The following MAP3K5 variants were observed in gnomAD, a reference collection of about 807,000 sequenced individuals.
MAP3K5 encodes the protein ASK-1.
In MAP3K5, 56 loss-of-function variants were observed where a neutral mutation model predicts 158.7. That is an observed-to-expected ratio of 0.35 (90% CI 0.28 to 0.44). The LOEUF is 0.44. Among genes scored for constraint, MAP3K5 ranks in the 20% least tolerant of loss-of-function variants. MAP3K5 has a pLI of 1.00. For missense variants in MAP3K5, 1,294 were observed against 1,674.8 expected, an observed-to-expected ratio of 0.77 and a Z score of 3.97; for synonymous variants, 579 against 601.7, an observed-to-expected ratio of 0.96 and a Z score of 0.55.
In MAP3K5 at chr6:136,580,338, C is replaced by A. The variant is rs945822377; in HGVS notation, c.3480G>T (p.Arg1160=). ...HWMFALDSII[R]KAVQTAITIL... Reference sequence around the variant, plus strand: ...TGGTAATGGCTGTCTGTACCGCCTTCCGAATGATACTGTCTAAGGCAAACA... The same window carrying A: ...TGGTAATGGCTGTCTGTACCGCCTTACGAATGATACTGTCTAAGGCAAACA... The change falls in exon 25 of 30, where the codon CGG becomes CGT. Residue 1160 remains arginine (R), a synonymous_variant. Transcript: ENST00000359015. 7 of 1,613,570 alleles carry A rather than the reference C, an allele frequency of 4.3e-6. No homozygotes were observed. The highest frequency in any genetic ancestry group is 5.1e-6 in the Non-Finnish European group (6 of 1,179,624).
At chr6:136,608,518 A>G (rs1343562656) in intron 18 of MAP3K5, among the ~76,000 whole-genome samples, 2 of 152,120 alleles carry the variant, frequency 1.3e-5, no homozygotes, top group Non-Finnish European at 2.9e-5. Flanking sequence ...GTGTGAGAAA[A>G]GAGAAGTGCC....
chr6:136,743,413 G>A (rs1314623171), intron 1 of MAP3K5, among the ~76,000 whole-genome samples: 1 of 152,078 alleles, frequency 6.6e-6, no homozygotes, highest in Non-Finnish European at 1.5e-5. Context: ...TCGCGAAACT[G>A]CACTCCAGCC....
chr6:136,737,591 A>G (rs551449695), intron 1 of MAP3K5, among the ~76,000 whole-genome samples: 74 of 152,332 alleles, frequency 4.9e-4, no homozygotes, highest in Admixed American at 2.2e-3. Flanking sequence ...CACGCTGCCC[A>G]GGAGGCTCCG....
intron 1 of MAP3K5, among the ~76,000 whole-genome samples, chr6:136,783,617 C>T (rs561029232): frequency 9.3e-4 from 141 of 152,294 alleles, no homozygotes; most frequent in African/African-American, 3.2e-3. Flanking sequence ...CCAGGTGGAG[C>T]GGGGCAAATG....
intron 1 of MAP3K5, among the ~76,000 whole-genome samples, chr6:136,784,379 T>C (rs542101109): frequency 2.6e-5 from 4 of 152,328 alleles, no homozygotes; most frequent in African/African-American, 9.6e-5. Flanking sequence ...AAAAAAATTA[T>C]AGTTTTGCCT....
intron 14 of MAP3K5, among the ~76,000 whole-genome samples, chr6:136,628,626 G>T (rs1314309607): frequency 2.0e-5 from 3 of 151,602 alleles, no homozygotes; most frequent in Non-Finnish European, 4.4e-5. Context: ...GGCATCAGAA[G>T]ACTATTTTTT....
chr6:136,631,303 G>A (rs1777341601), intron 14 of MAP3K5, among the ~76,000 whole-genome samples: 1 of 152,088 alleles, frequency 6.6e-6, no homozygotes, highest in Non-Finnish European at 1.5e-5. Context: ...CTCAGGCAGG[G>A]AAGTAACTGT....
At chr6:136,604,357 G>GA (rs890827742) in intron 19 of MAP3K5, among the ~76,000 whole-genome samples, 6 of 149,344 alleles carry the variant, frequency 4.0e-5, no homozygotes, top group African/African-American at 7.4e-5. Context: ...AAGAAAAAAA[G>GA]AAAAAAAAAG....
intron 23 of MAP3K5, among the ~76,000 whole-genome samples, chr6:136,591,787 G>A (rs1775398091): frequency 6.6e-6 from 1 of 152,184 alleles, no homozygotes; most frequent in African/African-American, 2.4e-5. Flanking sequence ...GCTGAGAGGA[G>A]CGACTGGCAG....
intron 7 of MAP3K5, among the ~76,000 whole-genome samples, chr6:136,685,304 C>G (rs1161283944): frequency 6.6e-6 from 1 of 152,086 alleles, no homozygotes; most frequent in Non-Finnish European, 1.5e-5. Flanking sequence ...GATGACAGAG[C>G]AAGATCCTGC....
chr6:136,744,419 T>C (rs1017735585), intron 1 of MAP3K5, among the ~76,000 whole-genome samples: 4 of 152,110 alleles, frequency 2.6e-5, no homozygotes, highest in Admixed American at 2.0e-4. Context: ...GACTCTCCCA[T>C]GCCCAGAAAA....
At position 136,561,628 on chromosome 6, in the gene MAP3K5, C is replaced by G. The variant is rs374573186; in HGVS notation, c.3892G>C (p.Val1298Leu). Residue 1298 changes from valine to leucine, a missense_variant, in exon 28 of 30, where the codon GTA (valine) becomes CTA (leucine). Val to Leu is a conservative substitution (Grantham distance 32, BLOSUM62 1). Transcript: ENST00000359015. ...GTGCCAGAAGAATTTAGATGAAATA[C>G]AGGCAATTCAGGAATTTCTAGAACA... ...SQPIEIPELP[V>L]FHLNSSGTNT... The G allele has an allele frequency of 2.5e-6, 4 of 1,605,178 alleles. No homozygotes were observed. The Admixed American group carries it at 5.0e-5, about 20-fold the overall frequency.
At chr6:136,626,827 C>T (rs1777060465) in intron 14 of MAP3K5, among the ~76,000 whole-genome samples, 1 of 151,876 alleles carries the variant, frequency 6.6e-6, no homozygotes, top group African/African-American at 2.4e-5. Flanking sequence ...TCATCATAAG[C>T]ATGTGTAATA....
intron 23 of MAP3K5, among the ~76,000 whole-genome samples, chr6:136,585,473 C>CTTTA (rs554195273): frequency 0.15 from 20,690 of 134,808 alleles, 1,771 homozygotes; most frequent in African/African-American, 0.16. Context: ...CTTTTCTTTT[C>CTTTA]TTTATTTATT....
At chr6:136,635,324 A>C (rs1489670091) in intron 14 of MAP3K5, among the ~76,000 whole-genome samples, 1 of 152,202 alleles carries the variant, frequency 6.6e-6, no homozygotes, top group Non-Finnish European at 1.5e-5. Flanking sequence ...GGTATAATCA[A>C]ACGAGCCCTG....
At chr6:136,754,511 C>T (rs1783380665) in intron 1 of MAP3K5, among the ~76,000 whole-genome samples, 1 of 150,650 alleles carries the variant, frequency 6.6e-6, no homozygotes, top group South Asian at 2.1e-4. Flanking sequence ...CTGGGGAGGT[C>T]GAGGCCTGCA....
intron 7 of MAP3K5, among the ~76,000 whole-genome samples, chr6:136,693,817 C>T (rs994679500): frequency 6.6e-6 from 1 of 152,002 alleles, no homozygotes; most frequent in African/African-American, 2.4e-5. Flanking sequence ...GGGCAAAACC[C>T]GTCTCTCCTA....
At chr6:136,722,394 T>C (rs1482623976) in intron 1 of MAP3K5, among the ~76,000 whole-genome samples, 1 of 152,164 alleles carries the variant, frequency 6.6e-6, no homozygotes, top group Non-Finnish European at 1.5e-5. Flanking sequence ...ATAAATCATC[T>C]CTTATGATCA....
At chr6:136,773,068 A>T (rs1194372968) in intron 1 of MAP3K5, among the ~76,000 whole-genome samples, 4 of 152,230 alleles carry the variant, frequency 2.6e-5, no homozygotes, top group Non-Finnish European at 4.4e-5. Flanking sequence ...GTCAATTAAA[A>T]TTAGCAAGAA....
Sources: gnomAD v4.1 joint callset for allele counts (sites outside exome capture counted in the v4.1 genomes callset) on GRCh38, gnomAD v4.1.1 for gene constraint, MANE v1.5 for transcripts, NCBI Gene and HGNC (gene_info 2026-07-23, HGNC 2026-07-21) for gene names.